Variants in TUB observed in about 807,000 individuals in gnomAD.
The protein encoded by TUB is TUB bipartite transcription factor.
TUB carries 33 observed loss-of-function variants against 59.7 expected under a neutral mutation model. That is an observed-to-expected ratio of 0.55 (90% CI 0.42 to 0.74). TUB has a LOEUF of 0.74. TUB is among the 30% of genes least tolerant of loss of function. TUB has a pLI of 0.00. For synonymous variants in TUB, 293 were observed against 256.4 expected, an observed-to-expected ratio of 1.14 and a Z score of -1.36; for missense variants, 659 against 672.0, an observed-to-expected ratio of 0.98 and a Z score of 0.21.
Position 8,019,302 on chromosome 11 carries a change from G to T in TUB, c.-1G>T, listed in dbSNP as rs1175171322. ...AGCCCCGAGCGGAGCCGGAGGCGGC[G>T]ATGGAGGGAGTCAGCAGCCACCGGA... On this transcript the variant is annotated 5_prime_UTR_variant, in exon 1 of 12. Coordinates refer to the TUB transcript ENST00000534099. 4.7e-6 allele frequency: 6 copies of T among 1,273,988 alleles called. No homozygotes were observed. The Admixed American group carries it at 1.5e-4, about 32-fold the overall frequency. 78.9% of individuals were successfully genotyped at this position (1,273,988 alleles called of 1,614,324 possible). A position where few individuals can be genotyped will look rare whatever the true frequency, so the allele number is the denominator to read the frequency against.
intron 2 of TUB, among the ~76,000 whole-genome samples, chr11:8,048,804 T>C (rs1464908695): frequency 2.6e-5 from 4 of 152,224 alleles, no homozygotes; most frequent in Admixed American, 6.5e-5. Context: ...CTATATAATA[T>C]GTAATGTTGT....
intron 3 of TUB, 26 bp from the exon 4 acceptor site, chr11:8,094,020 T>C: frequency 1.9e-6 from 3 of 1,614,032 alleles, no homozygotes; most frequent in Non-Finnish European, 2.5e-6. Flanking sequence ...TTTCTCTCTC[T>C]CCATCTGGGG....
chr11:8,090,005 G>A (rs926035790), intron 2 of TUB, 64 bp from the exon 3 acceptor site: 14 of 1,496,784 alleles, frequency 9.4e-6, no homozygotes, highest in Admixed American at 9.2e-5. Context: ...TGGACCCCCC[G>A]ATAACTGGGA....
At chr11:8,049,530 G>A (rs1942892204) in intron 2 of TUB, among the ~76,000 whole-genome samples, 1 of 146,920 alleles carries the variant, frequency 6.8e-6, no homozygotes, top group South Asian at 2.2e-4. Context: ...CACCTTCACA[G>A]CACCTTTTAG....
intron 2 of TUB, among the ~76,000 whole-genome samples, chr11:8,070,341 A>G (rs776892924): frequency 2.0e-5 from 3 of 152,108 alleles, no homozygotes; most frequent in African/African-American, 4.8e-5. Context: ...ATCACAAATC[A>G]GTCTCATTGG....
Position 8,094,153 on chromosome 11 carries a change from G to A in TUB, c.361G>A (p.Gly121Ser), listed in dbSNP as rs768447598. Residue 121 changes from glycine to serine, a missense_variant, in exon 4 of 12, where the codon GGC (glycine) becomes AGC (serine). Physicochemically the swap from Gly to Ser is moderately conservative, Grantham distance 56. Coordinates refer to ENST00000299506, the MANE Select transcript of TUB (RefSeq NM_177972.3). Reference protein sequence around the residue: ...KAAATAGGQGGAARKEKKGKH... With the variant: ...KAAATAGGQGSAARKEKKGKH... ...GGCAGCTACAGCAGGGGGCCAGGGT[G>A]GCGCCGCTAGGAAGGAGAAGAAGGG... The A allele has an allele frequency of 2.9e-5, 46 of 1,613,762 alleles. No individual in the cohort carries two copies. The East Asian group carries it at 5.3e-4, about 19-fold the overall frequency.
At chr11:8,101,114 A>G in intron 11 of TUB, 117 bp downstream of exon 11, 1 of 1,254,026 alleles carries the variant, frequency 8.0e-7, no homozygotes, top group Non-Finnish European at 1.1e-6. Context: ...TGAGCTATAC[A>G]GCTAAGGTTA....
chr11:8,037,362 C>T (rs554803649), upstream of TUB, among the ~76,000 whole-genome samples: 15 of 152,272 alleles, frequency 9.9e-5, no homozygotes, highest in African/African-American at 3.4e-4. Context: ...AGCTGATGTC[C>T]GTGATTCTTC....
Position 8,101,512 on chromosome 11 carries a change from C to T in TUB, c.1414C>T (p.Arg472Trp), listed in dbSNP as rs376531726. Reference sequence around the variant, plus strand: ...GGACTACATCGTGATGCAGTTTGGCCGGGTAGCAGAGGATGTGTTCACCAT... The same window carrying T: ...GGACTACATCGTGATGCAGTTTGGCTGGGTAGCAGAGGATGTGTTCACCAT... ...DPDYIVMQFGRVAEDVFTMDY... is the reference protein window; with the variant it reads ...DPDYIVMQFGWVAEDVFTMDY... Residue 472 changes from arginine (R) to tryptophan (W), a missense_variant, in exon 12 of 12, where the codon CGG becomes TGG. Physicochemically the swap from Arg to Trp is moderately radical, Grantham distance 101. Around this residue, in one of 3 missense-constraint regions of TUB, gnomAD observed 226 missense variants for 210.8 expected, o/e 1.07. Transcript: ENST00000299506. The T allele has an allele frequency of 5.0e-6, 8 of 1,614,214 alleles. No homozygotes were observed. Among genetic ancestry groups the T allele is most frequent in the Admixed American group, 1.7e-5 (1 of 60,026 alleles).
chr11:8,023,029 G>T (rs1942452342), intron 1 of TUB, among the ~76,000 whole-genome samples: 1 of 152,212 alleles, frequency 6.6e-6, no homozygotes, highest in Non-Finnish European at 1.5e-5. Flanking sequence ...TTTGTGGTCT[G>T]GGCCAGGCTC....
chr11:8,023,368 T>C (rs1482269239), intron 1 of TUB, among the ~76,000 whole-genome samples: 1 of 152,214 alleles, frequency 6.6e-6, no homozygotes, highest in Non-Finnish European at 1.5e-5. Flanking sequence ...CAAAATATGA[T>C]GCCTACATTT....
upstream of TUB, chr11:8,077,809 C>T (rs1005646052): frequency 2.6e-5 from 4 of 152,220 alleles, no homozygotes; most frequent in African/African-American, 9.7e-5. Flanking sequence ...CCTTGCCAGA[C>T]CGAAAGCTCC....
chr11:8,037,895 G>A (rs1942674664), upstream of TUB, among the ~76,000 whole-genome samples: 1 of 152,200 alleles, frequency 6.6e-6, no homozygotes, highest in African/African-American at 2.4e-5. Flanking sequence ...AGCAAGTTAG[G>A]TGTAGATGCC....
intron 1 of TUB, among the ~76,000 whole-genome samples, chr11:8,082,598 A>G (rs186187497): frequency 3.3e-4 from 51 of 152,280 alleles, no homozygotes; most frequent in African/African-American, 1.2e-3. Context: ...GTGCTAGCGG[A>G]CGGCAGGATG....
At chr11:8,080,650 C>T (rs531866005), upstream of TUB, among the ~76,000 whole-genome samples, 1 of 152,320 alleles carries the variant, frequency 6.6e-6, no homozygotes, top group Admixed American at 6.5e-5. Flanking sequence ...TTTGCAAGGG[C>T]TGGGAATGCA....
At chr11:8,099,929 C>G (rs143997711) in intron 9 of TUB, among the ~76,000 whole-genome samples, 2 of 152,186 alleles carry the variant, frequency 1.3e-5, no homozygotes, top group Non-Finnish European at 2.9e-5. Context: ...CATGGGGCCA[C>G]GTGCAGGTGA....
chr11:8,046,039 A>C (rs567619236), intron 2 of TUB, among the ~76,000 whole-genome samples: 3 of 152,296 alleles, frequency 2.0e-5, no homozygotes, highest in African/African-American at 4.8e-5. Flanking sequence ...AGATAAGGGA[A>C]GCCCTCTACA....
chr11:8,040,811 C>T (rs1942738042), intron 2 of TUB, among the ~76,000 whole-genome samples: 1 of 152,148 alleles, frequency 6.6e-6, no homozygotes, highest in Admixed American at 6.5e-5. Flanking sequence ...TCATGTGCAG[C>T]TGGTGTATTT....
chr11:8,066,549 G>A (rs575359685), intron 2 of TUB, among the ~76,000 whole-genome samples: 6 of 152,136 alleles, frequency 3.9e-5, no homozygotes, highest in Admixed American at 3.9e-4. Context: ...AGACAACCTG[G>A]AGAGAGAGAG....
Sources: allele counts gnomAD v4.1 joint callset (sites outside exome capture counted in the v4.1 genomes callset), GRCh38; gene constraint gnomAD v4.1.1; regional missense constraint gnomAD v4.1.1; transcripts MANE v1.5; gene names NCBI Gene and HGNC (gene_info 2026-07-23, HGNC 2026-07-21).